The following RPF2 variants were observed in gnomAD, a reference collection of about 807,000 sequenced individuals.
The protein encoded by RPF2 is brix domain containing 1.
Under a neutral mutation model 38.9 loss-of-function variants are expected in RPF2, and 21 were observed. That is an observed-to-expected ratio of 0.54 (90% CI 0.38 to 0.78). RPF2 has a LOEUF of 0.78. Ranked by LOEUF, RPF2 falls within the 30% of genes least tolerant of loss-of-function variation. The pLI is 0.00. For synonymous variants in RPF2, 121 were observed against 126.2 expected, an observed-to-expected ratio of 0.96 and a Z score of 0.28; for missense variants, 314 against 358.1, an observed-to-expected ratio of 0.88 and a Z score of 0.99.
intron 7 of RPF2, among the ~76,000 whole-genome samples, chr6:111,010,000 C>T (rs1049843417): frequency 1.1e-4 from 16 of 152,072 alleles, no homozygotes; most frequent in African/African-American, 3.9e-4. Flanking sequence ...GTTATTAGTA[C>T]TTAGCATTCT....
intron 7 of RPF2, among the ~76,000 whole-genome samples, chr6:111,009,872 C>G (rs1440786821): frequency 6.6e-6 from 1 of 152,006 alleles, no homozygotes; most frequent in African/African-American, 2.4e-5. Context: ...TGGGGTCTCA[C>G]TGTGTTGCCC....
intron 2 of RPF2, among the ~76,000 whole-genome samples, 199 bp from the exon 3 acceptor site, chr6:110,988,829 A>C (rs1018100850): frequency 1.3e-5 from 2 of 152,214 alleles, no homozygotes; most frequent in Admixed American, 1.3e-4. Context: ...AGAAACTTTT[A>C]AATAGGAAAG....
At chr6:111,015,889 C>A in intron 8 of RPF2, 33 bp downstream of exon 8, 4 of 1,465,388 alleles carry the variant, frequency 2.7e-6, no homozygotes, top group South Asian at 1.1e-5. Flanking sequence ...TTTCTTAATC[C>A]TCAGGGTTAG....
At chr6:111,015,932 C>A in intron 8 of RPF2, 76 bp downstream of exon 8, 1 of 1,107,500 alleles carries the variant, frequency 9.0e-7, no homozygotes, top group Non-Finnish European at 1.4e-6. Context: ...TTTTAGAGCC[C>A]AAACTTAGAA....
At chr6:111,015,417 A>G (rs975830270) in intron 7 of RPF2, among the ~76,000 whole-genome samples, 8 of 152,222 alleles carry the variant, frequency 5.3e-5, no homozygotes, top group Non-Finnish European at 1.5e-5. Flanking sequence ...GAAATTTGCT[A>G]TCTTCATCTA....
At position 110,982,058 on chromosome 6, in the gene RPF2, C is replaced by T. The variant is rs374000175; in HGVS notation, c.-49C>T. On this transcript the variant is annotated 5_prime_UTR_variant, in exon 1 of 10. Coordinates refer to ENST00000441448, the MANE Select transcript of RPF2 (RefSeq NM_032194.3). ...CGCCTGTTCCGGCGCACGTAATCGC[C>T]GAGGGCACGTGCATGCCCCCTGGTT... 1.9e-6 allele frequency: 3 copies of T among 1,608,830 alleles called. No homozygotes were observed. The highest frequency in any genetic ancestry group is 1.7e-5 in the Admixed American group (1 of 60,022).
intron 4 of RPF2, among the ~76,000 whole-genome samples, chr6:110,994,732 T>TACACACACACACACACACAC (rs754731328): frequency 1.2e-4 from 12 of 101,886 alleles, no homozygotes; most frequent in African/African-American, 2.6e-4. Flanking sequence ...GATGAGTATA[T>TACACACACACACACACACAC]ATACACACAC....
In RPF2 at chr6:110,991,894, C is replaced by A. The variant is rs73526773; in HGVS notation, c.234+108C>A. ...ATTTTTTTAAACATTAGAAGTCATC[C>A]TGTGTGAGGGAATTTTGTGTAAAAT... On this transcript the variant is annotated intron_variant, in intron 4 of 9. Coordinates refer to ENST00000441448, the MANE Select transcript of RPF2 (RefSeq NM_032194.3). 2,054 of 380,216 alleles carry A rather than the reference C, an allele frequency of 5.4e-3. 40 individuals carry two copies. Among genetic ancestry groups the A allele is most frequent in the African/African-American group, 0.039 (1,866 of 47,630 alleles). 23.6% of individuals were successfully genotyped at this position (380,216 alleles called of 1,614,324 possible). A position where few individuals can be genotyped will look rare whatever the true frequency, so the allele number is the denominator to read the frequency against.
chr6:110,988,840 T>C, intron 2 of RPF2, 188 bp from the exon 3 acceptor site: 2 of 692,786 alleles, frequency 2.9e-6, no homozygotes, highest in Non-Finnish European at 4.6e-6. Context: ...AATAGGAAAG[T>C]CTAGTCCAAG....
intron 8 of RPF2, among the ~76,000 whole-genome samples, chr6:111,020,073 C>T (rs1423793334): frequency 6.6e-6 from 1 of 151,966 alleles, no homozygotes; most frequent in Non-Finnish European, 1.5e-5. Flanking sequence ...CGCCACCACG[C>T]CCGGCTAATT....
At chr6:111,018,919 A>G (rs1352931381) in intron 8 of RPF2, among the ~76,000 whole-genome samples, 3 of 152,236 alleles carry the variant, frequency 2.0e-5, no homozygotes, top group Non-Finnish European at 4.4e-5. Flanking sequence ...AATCACTAAT[A>G]TAAAAAAGTA....
At chr6:111,008,898 CTTTTTTTT>C (rs57167034) in intron 7 of RPF2, among the ~76,000 whole-genome samples, 18,990 of 120,780 alleles carry the variant, frequency 0.16, 2,127 homozygotes, top group East Asian at 0.57. Flanking sequence ...TTCCTGGCTC[CTTTTTTTT>C]TTTTTTTTTT....
At chr6:110,997,125 G>A in intron 4 of RPF2, 58 bp from the exon 5 acceptor site, 1 of 1,117,926 alleles carries the variant, frequency 8.9e-7, no homozygotes, top group Admixed American at 1.9e-5. Flanking sequence ...TTAAAGGTAA[G>A]ATTCTTAAAG....
intron 8 of RPF2, among the ~76,000 whole-genome samples, chr6:111,019,913 C>A (rs1583275897): frequency 6.9e-6 from 1 of 144,302 alleles, no homozygotes. Context: ...CCTTTCTTTT[C>A]TTTCTTTTGT....
At chr6:111,014,383 C>T (rs1410276917) in intron 7 of RPF2, among the ~76,000 whole-genome samples, 1 of 152,084 alleles carries the variant, frequency 6.6e-6, no homozygotes, top group Non-Finnish European at 1.5e-5. Flanking sequence ...CTGCTCGCCT[C>T]GGCCTCCCAA....
At chr6:110,994,967 C>T (rs1362989821) in intron 4 of RPF2, among the ~76,000 whole-genome samples, 1 of 152,032 alleles carries the variant, frequency 6.6e-6, no homozygotes, top group Non-Finnish European at 1.5e-5. Context: ...TGCTATGGCG[C>T]CATCTCAGCT....
At chr6:111,013,461 T>C (rs1224290619) in intron 7 of RPF2, among the ~76,000 whole-genome samples, 1 of 152,232 alleles carries the variant, frequency 6.6e-6, no homozygotes, top group Non-Finnish European at 1.5e-5. Context: ...GAAATTTCAG[T>C]TTGGCAGTTA....
intron 3 of RPF2, among the ~76,000 whole-genome samples, chr6:110,990,285 A>T (rs924346745): frequency 6.6e-6 from 1 of 151,930 alleles, no homozygotes; most frequent in Admixed American, 6.6e-5. Context: ...CCCATGTTGC[A>T]TTTAGTTTTC....
At position 111,027,896 on chromosome 6, in the gene RPF2, G is replaced by T. The variant is rs893024847; in HGVS notation, c.*2314G>T. On this transcript the variant is annotated 3_prime_UTR_variant, in exon 10 of 10. Transcript: ENST00000441448. ...TGAGCTGCCATTTATATCACTTTTTGTGGAGAGCACATCTTGATTTTCAGT... is the reference window on the plus strand; with the variant it reads ...TGAGCTGCCATTTATATCACTTTTTTTGGAGAGCACATCTTGATTTTCAGT... 2 of 152,146 alleles carry T rather than the reference G, an allele frequency of 1.3e-5. No individual in the cohort carries two copies. Among genetic ancestry groups the T allele is most frequent in the East Asian group, 3.8e-4 (2 of 5,202 alleles). The allele number at this position is 152,146 out of a possible 1,614,324, so 9.4% of individuals were successfully genotyped here.
Sources: gnomAD v4.1 joint callset for allele counts (sites outside exome capture counted in the v4.1 genomes callset) on GRCh38, gnomAD v4.1.1 for gene constraint, MANE v1.5 for transcripts, NCBI Gene and HGNC (gene_info 2026-07-23, HGNC 2026-07-21) for gene names.